UGT8: variants seen among roughly 807,000 people sequenced by gnomAD.
UGT8 encodes the protein 2-hydroxyacylsphingosine 1-beta-galactosyltransferase.
In UGT8, 12 loss-of-function variants were observed where a neutral mutation model predicts 40.5. The observed-to-expected ratio is 0.30, with a 90% CI of 0.19 to 0.48. UGT8 has a LOEUF of 0.48. UGT8 is among the 20% of genes least tolerant of loss of function. UGT8 has a pLI of 0.99. For missense variants in UGT8, 513 were observed against 648.7 expected (o/e 0.79, Z 2.27); for synonymous variants, 224 against 240.4 (o/e 0.93, Z 0.63).
intron 5 of UGT8, 186 bp from the exon 6 acceptor site, chr4:114,675,739 C>CAAAAAAAAA (rs59103664): frequency 1.4e-5 from 1 of 70,912 alleles, no homozygotes; most frequent in African/African-American, 8.1e-5. Flanking sequence ...GACTCCGTCT[C>CAAAAAAAAA]AAAAAAAAAA....
Position 114,634,878 on chromosome 4 carries a change from C to T in UGT8, c.822+11176C>T, listed in dbSNP as rs375375356. Among the ~76,000 whole-genome samples, 9 of 152,294 alleles carry T rather than the reference C, an allele frequency of 5.9e-5. No homozygotes were observed. The East Asian group carries it at 1.2e-3, about 20-fold the overall frequency. ...GAGAAAATTTTGAGCCTTATACATA[C>T]ATTAAAATACAGACTTCCATTCTTA... is the stretch of plus-strand genomic sequence containing the variant. On this transcript the variant is annotated intron_variant, in intron 2 of 5. Transcript: ENST00000310836.
At chr4:114,614,393 G>A (rs776877684) in intron 1 of UGT8, among the ~76,000 whole-genome samples, 1 of 152,012 alleles carries the variant, frequency 6.6e-6, no homozygotes, top group African/African-American at 2.4e-5. Context: ...TGTAATACTC[G>A]TAGAGATTTC....
chr4:114,636,910 C>T (rs1266469601), intron 2 of UGT8, among the ~76,000 whole-genome samples: 3 of 152,294 alleles, frequency 2.0e-5, no homozygotes, highest in African/African-American at 7.2e-5. Flanking sequence ...CTCAGATACA[C>T]TTAGCTGCAG....
At chr4:114,611,403 CATATATATATATATATATATATAT>C (rs60533468) in intron 1 of UGT8, among the ~76,000 whole-genome samples, 58,459 of 106,846 alleles carry the variant, frequency 0.55, 15,756 homozygotes, top group South Asian at 0.71. Context: ...CATATATATC[CATATATATATATATATATATATAT>C]ATATATATAT....
At chr4:114,644,068 C>T (rs922848993) in intron 2 of UGT8, among the ~76,000 whole-genome samples, 1 of 152,158 alleles carries the variant, frequency 6.6e-6, no homozygotes, top group African/African-American at 2.4e-5. Context: ...AAAACAGTGA[C>T]TGAATAATCT....
chr4:114,601,740 T>A (rs1268145180), intron 1 of UGT8, among the ~76,000 whole-genome samples: 1 of 152,200 alleles, frequency 6.6e-6, no homozygotes, highest in Non-Finnish European at 1.5e-5. Flanking sequence ...CGCTGAGGTG[T>A]ATAGAGCTGT....
chr4:114,659,834 T>C (rs533156445), intron 2 of UGT8, among the ~76,000 whole-genome samples: 13 of 152,120 alleles, frequency 8.5e-5, no homozygotes, highest in Non-Finnish European at 1.5e-5. Flanking sequence ...AAATCTAACA[T>C]TGCAAATATA....
Position 114,668,075 on chromosome 4 carries a change from C to T in UGT8, c.1043-10C>T. 6.2e-7 allele frequency: 1 copy of T among 1,606,694 alleles called. No homozygotes were observed. Among genetic ancestry groups the T allele is most frequent in the Admixed American group, 1.7e-5 (1 of 59,226 alleles). On this transcript the variant is annotated splice_polypyrimidine_tract_variant and intron_variant, in intron 4 of 5. Transcript: ENST00000310836. ...TGTTGTAAGTTGTTTTCTTTTTCAT[C>T]TTTCTTCAGGGCATTCAAAGATTAA...
At chr4:114,628,832 C>T (rs1332010851) in intron 2 of UGT8, among the ~76,000 whole-genome samples, 1 of 109,476 alleles carries the variant, frequency 9.1e-6, no homozygotes, top group Non-Finnish European at 2.1e-5. Flanking sequence ...TTGTTATTTG[C>T]TGGAACTCCC....
In UGT8 at chr4:114,622,879, C is replaced by A; in HGVS notation, c.-2C>A. The A allele has an allele frequency of 6.2e-7, 1 of 1,601,766 alleles. No individual in the cohort carries two copies. The highest frequency in any genetic ancestry group is 1.3e-5 in the African/African-American group (1 of 74,706). ...AGTTGTTTTCTGGTTGTTATTACAG[C>A]TATGAAGTCTTACACTCCATATTTC... On this transcript the variant is annotated splice_region_variant and 5_prime_UTR_variant, in exon 2 of 6. Transcript: ENST00000310836.
chr4:114,672,372 A>T (rs1314616600), intron 5 of UGT8, among the ~76,000 whole-genome samples: 5 of 152,208 alleles, frequency 3.3e-5, no homozygotes, highest in Admixed American at 3.3e-4. Flanking sequence ...AAGCACACGT[A>T]TGTTTATTGC....
At chr4:114,667,782 C>G in intron 4 of UGT8, 1 of 620,682 alleles carries the variant, frequency 1.6e-6, no homozygotes, top group Non-Finnish European at 2.0e-6. Flanking sequence ...CTTTCATTGG[C>G]TTCATAATAA....
intron 2 of UGT8, among the ~76,000 whole-genome samples, chr4:114,646,068 G>T (rs1003729069): frequency 2.8e-4 from 42 of 152,032 alleles, no homozygotes; most frequent in African/African-American, 9.9e-4. Context: ...TCTATTTATT[G>T]ATCTTTCAAA....
intron 2 of UGT8, among the ~76,000 whole-genome samples, chr4:114,627,583 T>C (rs554918805): frequency 6.6e-6 from 1 of 152,294 alleles, no homozygotes; most frequent in South Asian, 2.1e-4. Context: ...ATATTAAATG[T>C]GAATGAAATA....
At chr4:114,614,369 G>A (rs1392529956) in intron 1 of UGT8, among the ~76,000 whole-genome samples, 1 of 152,138 alleles carries the variant, frequency 6.6e-6, no homozygotes. Context: ...TGTGTGTAAA[G>A]AAAGGTCTGC....
intron 5 of UGT8, among the ~76,000 whole-genome samples, chr4:114,668,958 C>G (rs1022276969): frequency 1.3e-5 from 2 of 152,168 alleles, no homozygotes; most frequent in African/African-American, 2.4e-5. Context: ...TAAAACAAAG[C>G]AGCAGTTTTC....
intron 3 of UGT8, among the ~76,000 whole-genome samples, chr4:114,664,897 A>G (rs1050965119): frequency 1.3e-5 from 2 of 152,182 alleles, no homozygotes; most frequent in Admixed American, 6.6e-5. Flanking sequence ...TGAGTAATAG[A>G]GATTTTCCCT....
intron 5 of UGT8, among the ~76,000 whole-genome samples, chr4:114,668,849 A>C (rs913908000): frequency 3.3e-5 from 5 of 152,298 alleles, no homozygotes; most frequent in Middle Eastern, 3.4e-3. Context: ...TGAATGATGA[A>C]GCAGAATCTT....
At chr4:114,601,944 A>G (rs903024536) in intron 1 of UGT8, among the ~76,000 whole-genome samples, 1 of 151,492 alleles carries the variant, frequency 6.6e-6, no homozygotes, top group African/African-American at 2.4e-5. Flanking sequence ...CCATCAAATG[A>G]TGTGGGCTAT....
Sources: allele counts gnomAD v4.1 joint callset (sites outside exome capture counted in the v4.1 genomes callset), GRCh38; gene constraint gnomAD v4.1.1; transcripts MANE v1.5; gene names NCBI Gene and HGNC (gene_info 2026-07-23, HGNC 2026-07-21).